The following SMOX variants were observed in gnomAD, a reference collection of about 807,000 sequenced individuals.
SMOX encodes the protein flavin containing amine oxidase.
In SMOX, 22 loss-of-function variants were observed where a neutral mutation model predicts 51.0. The ratio of observed to expected loss-of-function variants is 0.43; its 90% confidence interval spans 0.31 to 0.62. The LOEUF is 0.62. SMOX is among the 20% of genes least tolerant of loss of function. The pLI, the probability that SMOX is intolerant of heterozygous loss-of-function variation, is 0.10. For missense variants in SMOX, 566 were observed against 777.7 expected, an observed-to-expected ratio of 0.73 and a Z score of 3.24; for synonymous variants, 282 against 307.8, an observed-to-expected ratio of 0.92 and a Z score of 0.88.
chr20:4,178,154 G>A (rs985945099), intron 3 of SMOX, among the ~76,000 whole-genome samples: 4 of 152,180 alleles, frequency 2.6e-5, no homozygotes, highest in African/African-American at 9.7e-5. Flanking sequence ...CGATTCTCCT[G>A]CCTCAGCCTC....
Position 4,183,061 on chromosome 20 carries a change from G to C in SMOX, c.1369+213G>C. 1 of 645,372 alleles carries C rather than the reference G, an allele frequency of 1.5e-6. No individual in the cohort carries two copies. Among genetic ancestry groups the C allele is most frequent in the South Asian group, 2.0e-5 (1 of 49,532 alleles). 40.0% of individuals were successfully genotyped at this position (645,372 alleles called of 1,614,324 possible). On this transcript the variant is annotated intron_variant, in intron 5 of 6. Coordinates refer to ENST00000305958, the MANE Select transcript of SMOX (RefSeq NM_175839.3). This position sits in a 1 kb window ranked among gnomAD's most constrained non-coding sequence, Gnocchi z 4.3. Reference sequence around the variant, plus strand: ...ACACACTCAGAATTATGGGCGCTGTGTCTCTTCCCCCTTTCTAAAGGCTGA... The same window carrying C: ...ACACACTCAGAATTATGGGCGCTGTCTCTCTTCCCCCTTTCTAAAGGCTGA...
intron 1 of SMOX, among the ~76,000 whole-genome samples, chr20:4,156,807 A>G (rs562251212): frequency 7.9e-5 from 12 of 152,116 alleles, no homozygotes; most frequent in African/African-American, 2.4e-4. Context: ...CAGTGGCGCA[A>G]TCTCAGCTCA....
intron 1 of SMOX, among the ~76,000 whole-genome samples, chr20:4,157,101 C>T (rs1358566695): frequency 6.6e-6 from 1 of 152,178 alleles, no homozygotes; most frequent in African/African-American, 2.4e-5. Context: ...CCTCGCTTTG[C>T]AAGTTCTCCC....
chr20:4,173,065 A>G (rs558887558), intron 1 of SMOX, among the ~76,000 whole-genome samples: 4 of 152,358 alleles, frequency 2.6e-5, no homozygotes, highest in African/African-American at 9.6e-5. Context: ...ATTGGAGGGC[A>G]GGAATGACTA....
At position 4,187,352 on chromosome 20, in the gene SMOX, G is replaced by A. The variant is rs763234414; in HGVS notation, c.1613G>A (p.Arg538His). ...CACGGTGCTCTGCTGTCCGGCCAGC[G>A]TGAGGCTGCCCGCCTCATTGAGATG... ...TTHGALLSGQ[R>H]EAARLIEMYR... The change falls in exon 7 of 7, where the codon CGT becomes CAT. Residue 538 changes from arginine (R) to histidine (H), a missense_variant. Around this residue, in one of 3 missense-constraint regions of SMOX, gnomAD observed 347 missense variants for 481.8 expected, o/e 0.72. Transcript: ENST00000305958. The surrounding 1 kb of genome is among the most constrained non-coding windows in gnomAD (Gnocchi z 4.8). 4 of 1,614,196 alleles carry A rather than the reference G, an allele frequency of 2.5e-6. No homozygotes were observed. The highest frequency in any genetic ancestry group is 2.2e-5 in the East Asian group (1 of 44,878).
intron 1 of SMOX, among the ~76,000 whole-genome samples, chr20:4,162,383 G>A (rs1986376793): frequency 6.6e-6 from 1 of 152,238 alleles, no homozygotes; most frequent in Non-Finnish European, 1.5e-5. Context: ...AAAAGGGACA[G>A]TGTTGGAATC....
At chr20:4,150,914 C>G (rs572265968) in intron 1 of SMOX, among the ~76,000 whole-genome samples, 82 of 151,398 alleles carry the variant, frequency 5.4e-4, no homozygotes, top group African/African-American at 1.8e-3. Context: ...TCACCGCAAC[C>G]TCCACCTCCT....
chr20:4,151,277 A>C lies in SMOX; in HGVS notation c.-27+2300A>C, dbSNP rs1006751859. 2.0e-5 allele frequency among the ~76,000 whole-genome samples: 3 copies of C among 152,178 alleles called. No individual in the cohort carries two copies. In the South Asian group the frequency reaches 6.2e-4, roughly 32 times the overall value. ...GGCCCCAGGCTACCTGCCCCAAGCC[A>C]AGCCAAGCCGCGTAACCCTCTCCCC... is the stretch of plus-strand genomic sequence containing the variant. On this transcript the variant is annotated intron_variant, in intron 1 of 6. Coordinates refer to ENST00000305958, the MANE Select transcript of SMOX (RefSeq NM_175839.3).
rs1435799343 is a variant in SMOX at position 4,187,185 on chromosome 20, G to A, written c.1531-85G>A. 3 of 1,477,982 alleles carry A rather than the reference G, an allele frequency of 2.0e-6. No homozygotes were observed. The highest frequency in any genetic ancestry group is 4.5e-5 in the Admixed American group (2 of 44,648). 91.6% of individuals were successfully genotyped at this position (1,477,982 alleles called of 1,614,324 possible). ...GCCTCTCTAATTTGTCATTGGGATGGGAGGTTCTGGTGGAGAGGGGTGGCC... is the reference window on the plus strand; with the variant it reads ...GCCTCTCTAATTTGTCATTGGGATGAGAGGTTCTGGTGGAGAGGGGTGGCC... On this transcript the variant is annotated intron_variant, in intron 6 of 6. Coordinates refer to ENST00000305958, the MANE Select transcript of SMOX (RefSeq NM_175839.3). The surrounding 1 kb of genome is among the most constrained non-coding windows in gnomAD (Gnocchi z 4.8).
Position 4,182,905 on chromosome 20 carries a change from T to G in SMOX, c.1369+57T>G. 6.5e-7 allele frequency: 1 copy of G among 1,546,472 alleles called. No homozygotes were observed. The highest frequency in any genetic ancestry group is 8.7e-7 in the Non-Finnish European group (1 of 1,152,066). ...CACCCTGCTTCTTCCTCACCTGCCC[T>G]CCTCTGGTGGACCCATGGCAGCTCT... is the stretch of plus-strand genomic sequence containing the variant. On this transcript the variant is annotated intron_variant, in intron 5 of 6. Transcript: ENST00000305958. The surrounding 1 kb of genome is among the most constrained non-coding windows in gnomAD (Gnocchi z 8.4).
At position 4,181,139 on chromosome 20, in the gene SMOX, C is replaced by T. The variant is rs906524657; in HGVS notation, c.436-664C>T. Among the ~76,000 whole-genome samples, 7 of 152,262 alleles carry T rather than the reference C, an allele frequency of 4.6e-5. No homozygotes were observed. Among genetic ancestry groups the T allele is most frequent in the East Asian group, 3.9e-4 (2 of 5,164 alleles). ...GTGTGGGCTGGAGTTCTTGCTGAAA[C>T]GTGCCCGTGAAATGCATCTCCCTTC... On this transcript the variant is annotated intron_variant, in intron 3 of 6. Coordinates refer to ENST00000305958, the MANE Select transcript of SMOX (RefSeq NM_175839.3). This position sits in a 1 kb window ranked among gnomAD's most constrained non-coding sequence, Gnocchi z 5.6.
intron 1 of SMOX, among the ~76,000 whole-genome samples, chr20:4,152,457 A>G (rs911102781): frequency 6.6e-6 from 1 of 152,108 alleles, no homozygotes; most frequent in African/African-American, 2.4e-5. Flanking sequence ...TCAGAATGGA[A>G]GGCTGAGAGC....
chr20:4,167,698 C>T lies in SMOX; in HGVS notation c.-26-7332C>T, dbSNP rs1212271162. Among the ~76,000 whole-genome samples, 1 of 152,144 alleles carries T rather than the reference C, an allele frequency of 6.6e-6. No individual in the cohort carries two copies. The highest frequency in any genetic ancestry group is 2.4e-5 in the African/African-American group (1 of 41,436). On this transcript the variant is annotated intron_variant, in intron 1 of 6. Coordinates refer to ENST00000305958, the MANE Select transcript of SMOX (RefSeq NM_175839.3). This position sits in a 1 kb window ranked among gnomAD's most constrained non-coding sequence, Gnocchi z 4.8. ...GGTCTGGGCCAGTGTTCTCTCCCTC[C>T]TCTTCTGTCTCCTGGGTTCATGAGC... is the stretch of plus-strand genomic sequence containing the variant.
Position 4,181,917 on chromosome 20 carries a change from C to T in SMOX, c.550C>T (p.Pro184Ser). The change falls in exon 4 of 7, where the codon CCT becomes TCT. Residue 184 changes from proline to serine, a missense_variant. Physicochemically the swap from Pro to Ser is moderately conservative, Grantham distance 74. Transcript: ENST00000305958. The surrounding 1 kb of genome is among the most constrained non-coding windows in gnomAD (Gnocchi z 5.6). The part of the protein sequence containing the change: ...EEVRNRIRND[P>S]DDPEATKRLK... The stretch of plus-strand genomic sequence containing the variant: ...GGTGCGTAACCGCATCAGGAATGAC[C>T]CTGACGACCCAGAGGCTACCAAGCG... 1 of 1,614,118 alleles carries T rather than the reference C, an allele frequency of 6.2e-7. No individual in the cohort carries two copies. The highest frequency in any genetic ancestry group is 8.5e-7 in the Non-Finnish European group (1 of 1,180,020).
rs2122580727 is a variant in SMOX, at chr20:4,182,490, A to G, written c.1011A>G (p.Leu337=). The G allele has an allele frequency of 2.5e-6, 4 of 1,604,758 alleles. No homozygotes were observed. Among genetic ancestry groups the G allele is most frequent in the Non-Finnish European group, 8.5e-7 (1 of 1,174,816 alleles). ...HVIVTVSLGV[L]KRQYTSFFRP... is the part of the protein sequence containing the mutation. ...TTGTGACCGTGTCGCTAGGTGTGCT[A>G]AAGAGGCAGTACACCAGTTTCTTCC... Residue 337 remains leucine, a synonymous_variant, in exon 5 of 7, where the codon CTA becomes CTG. Transcript: ENST00000305958. This position sits in a 1 kb window ranked among gnomAD's most constrained non-coding sequence, Gnocchi z 8.4.
chr20:4,178,713 C>T (rs546810416), intron 3 of SMOX, among the ~76,000 whole-genome samples: 12 of 144,754 alleles, frequency 8.3e-5, no homozygotes, highest in East Asian at 6.1e-4. Context: ...GACGGAGTTT[C>T]GCTCTTGTTG....
chr20:4,169,507 T>C (rs1367548659), intron 1 of SMOX, among the ~76,000 whole-genome samples: 1 of 152,204 alleles, frequency 6.6e-6, no homozygotes, highest in Non-Finnish European at 1.5e-5. Context: ...TTGATTCCAC[T>C]GTGGTTCACT....
Position 4,183,976 on chromosome 20 carries a change from A to AT in SMOX, c.1530+332dup, listed in dbSNP as rs199883792. ...TATTAAAAATTTAAATTAATACAGT[A>AT]TTTTTTTTTTCTTTTTTGAGACAGG... On this transcript the variant is annotated intron_variant, in intron 6 of 6. Transcript: ENST00000305958. This position sits in a 1 kb window ranked among gnomAD's most constrained non-coding sequence, Gnocchi z 4.3. Among the ~76,000 whole-genome samples, 327 of 149,180 alleles carry AT rather than the reference A, an allele frequency of 2.2e-3. 1 individual carries two copies. Among genetic ancestry groups the AT allele is most frequent in the African/African-American group, 5.4e-3 (220 of 40,618 alleles).
chr20:4,159,272 C>T (rs753607255), intron 1 of SMOX, among the ~76,000 whole-genome samples: 5 of 152,170 alleles, frequency 3.3e-5, no homozygotes, highest in South Asian at 2.1e-4. Flanking sequence ...CCACCACGCC[C>T]GGCTAATTTT....
Sources: allele counts gnomAD v4.1 joint callset (sites outside exome capture counted in the v4.1 genomes callset), GRCh38; gene constraint gnomAD v4.1.1; regional missense constraint gnomAD v4.1.1; non-coding constraint Gnocchi (gnomAD v3.1); transcripts MANE v1.5; gene names NCBI Gene and HGNC (gene_info 2026-07-23, HGNC 2026-07-21).